The following UGT2A1 variants were observed in gnomAD, a reference collection of about 807,000 sequenced individuals.
UGT2A1 encodes the protein UDP glucuronosyltransferase family 2 member A1 complex locus, also known as UDP-glucuronosyltransferase 2A1.
UGT2A1 carries 61 observed loss-of-function variants against 45.4 expected under a neutral mutation model. The ratio of observed to expected loss-of-function variants is 1.34; its 90% CI spans 1.09 to 1.66. The LOEUF (loss-of-function observed/expected upper bound fraction) is 1.66, where lower values mean the gene tolerates loss of function less well. Among genes scored for constraint, UGT2A1 ranks in the 40% most tolerant of loss-of-function variants. The probability of loss-of-function intolerance (pLI) is 0.00; values close to 1 mark genes in which losing one functional copy is unlikely to be tolerated. For synonymous variants in UGT2A1, 229 were observed against 196.2 expected, an observed-to-expected ratio of 1.17 and a Z score of -1.40; for missense variants, 649 against 574.3, an observed-to-expected ratio of 1.13 and a Z score of -1.33.
chr4:69,608,736 C>T (rs1184379393), intron 3 of UGT2A1, among the ~76,000 whole-genome samples: 2 of 152,046 alleles, frequency 1.3e-5, no homozygotes, highest in East Asian at 3.9e-4. Flanking sequence ...ACTCTTGTTG[C>T]CCAGGCTGGA....
chr4:69,617,365 C>G (rs942611135), intron 3 of UGT2A1, among the ~76,000 whole-genome samples: 2 of 151,398 alleles, frequency 1.3e-5, no homozygotes, highest in African/African-American at 2.4e-5. Flanking sequence ...TTGTTGACGG[C>G]GTAAAAATAA....
At chr4:69,618,565 A>G (rs1341988023) in intron 3 of UGT2A1, among the ~76,000 whole-genome samples, 1 of 152,002 alleles carries the variant, frequency 6.6e-6, no homozygotes, top group Non-Finnish European at 1.5e-5. Flanking sequence ...CATATTAATA[A>G]TATTTTGAAA....
chr4:69,614,783 C>G (rs1720275633), intron 3 of UGT2A1, among the ~76,000 whole-genome samples: 1 of 151,950 alleles, frequency 6.6e-6, no homozygotes, highest in South Asian at 2.1e-4. Context: ...GAAAGTGGAC[C>G]TCTGAGTAGT....
rs116629407 is a variant in UGT2A1, at chr4:69,646,816, A to G, written c.715+114T>C. 1.8e-3 allele frequency: 1,264 copies of G among 700,052 alleles called. 13 individuals are homozygous for G. Among genetic ancestry groups the G allele is most frequent in the African/African-American group, 0.013 (734 of 55,578 alleles). The allele number at this position is 700,052 out of a possible 1,614,324, so 43.4% of individuals were successfully genotyped here. A position where few individuals can be genotyped will look rare whatever the true frequency, so the allele number is the denominator to read the frequency against. ...TTCTGCTATCAAGTGATAGTAATAT[A>G]TAGTACATCAATACTTGGAATTAAA... is the stretch of plus-strand genomic sequence containing the variant. On this transcript the variant is annotated intron_variant, in intron 2 of 6. Transcript: ENST00000286604.
chr4:69,598,568 G>T (rs1719069306), intron 4 of UGT2A1, among the ~76,000 whole-genome samples: 1 of 152,090 alleles, frequency 6.6e-6, no homozygotes, highest in African/African-American at 2.4e-5. Context: ...TTATGCTGAT[G>T]AATCTGAATC....
intron 3 of UGT2A1, among the ~76,000 whole-genome samples, chr4:69,616,799 T>C (rs916856978): frequency 6.6e-6 from 1 of 151,074 alleles, no homozygotes; most frequent in Non-Finnish European, 1.5e-5. Flanking sequence ...CAAAAGCTAA[T>C]GACACTTTCT....
At chr4:69,616,367 CTAAGAG>C (rs1444085973) in intron 3 of UGT2A1, among the ~76,000 whole-genome samples, 1 of 151,720 alleles carries the variant, frequency 6.6e-6, no homozygotes, top group Non-Finnish European at 1.5e-5. Context: ...TTTAAAATGA[CTAAGAG>C]TGGAATTGGA....
At chr4:69,644,206 G>A (rs1378109090) in intron 2 of UGT2A1, among the ~76,000 whole-genome samples, 4 of 151,586 alleles carry the variant, frequency 2.6e-5, no homozygotes, top group Non-Finnish European at 5.9e-5. Flanking sequence ...AAAGAATAGT[G>A]TGCTTTTATT....
intron 2 of UGT2A1, among the ~76,000 whole-genome samples, chr4:69,643,327 C>T (rs1341333852): frequency 6.6e-6 from 1 of 151,292 alleles, no homozygotes; most frequent in Admixed American, 6.6e-5. Flanking sequence ...AGATTTGCAC[C>T]TGAAATTTAA....
chr4:69,622,012 G>T (rs1720783792), intron 3 of UGT2A1, among the ~76,000 whole-genome samples: 1 of 151,690 alleles, frequency 6.6e-6, no homozygotes, highest in Non-Finnish European at 1.5e-5. Flanking sequence ...ACTTGAGGGT[G>T]GATGGTGGAA....
At chr4:69,595,570 A>G (rs899022435) in intron 4 of UGT2A1, among the ~76,000 whole-genome samples, 1 of 152,178 alleles carries the variant, frequency 6.6e-6, no homozygotes, top group African/African-American at 2.4e-5. Flanking sequence ...AAAATCATGA[A>G]GAGTGTTATG....
chr4:69,616,245 G>T (rs1720373056), intron 3 of UGT2A1, among the ~76,000 whole-genome samples: 1 of 151,814 alleles, frequency 6.6e-6, no homozygotes, highest in Admixed American at 6.6e-5. Flanking sequence ...CTTGGGGGGT[G>T]GGGAGGGTAT....
At chr4:69,630,650 G>C (rs1371288515) in intron 3 of UGT2A1, among the ~76,000 whole-genome samples, 1 of 152,202 alleles carries the variant, frequency 6.6e-6, no homozygotes, top group East Asian at 1.9e-4. Context: ...AATGAGACAT[G>C]TACTTTCAAC....
intron 6 of UGT2A1, among the ~76,000 whole-genome samples, chr4:69,593,657 TTTTA>T (rs1158517771): frequency 6.6e-6 from 1 of 151,646 alleles, no homozygotes; most frequent in African/African-American, 2.4e-5. Context: ...TATACTTAAA[TTTTA>T]TTTAAAATAT....
At chr4:69,641,033 G>A (rs1722024147) in intron 2 of UGT2A1, among the ~76,000 whole-genome samples, 1 of 151,798 alleles carries the variant, frequency 6.6e-6, no homozygotes, top group Non-Finnish European at 1.5e-5. Context: ...ACTTAGATTT[G>A]TTCAAATATT....
At chr4:69,610,677 C>T (rs1459649124) in intron 3 of UGT2A1, among the ~76,000 whole-genome samples, 2 of 152,032 alleles carry the variant, frequency 1.3e-5, no homozygotes, top group Non-Finnish European at 2.9e-5. Context: ...GACTAGTGTC[C>T]TTCCAAGAAG....
intron 3 of UGT2A1, 51 bp from the exon 4 acceptor site, chr4:69,599,445 T>C: frequency 6.3e-7 from 1 of 1,584,592 alleles, no homozygotes; most frequent in Non-Finnish European, 8.5e-7. Flanking sequence ...ATATGTTTGC[T>C]GAGGAGAAAA....
At chr4:69,611,063 A>G (rs1356476771) in intron 3 of UGT2A1, among the ~76,000 whole-genome samples, 1 of 152,194 alleles carries the variant, frequency 6.6e-6, no homozygotes, top group Admixed American at 6.6e-5. Context: ...ATTATTTAGC[A>G]GAATAGGCAA....
chr4:69,606,761 A>G lies in UGT2A1; in HGVS notation c.848-7367T>C, dbSNP rs189968764. 5.8e-3 allele frequency among the ~76,000 whole-genome samples: 799 copies of G among 136,836 alleles called. 184 individuals carry two copies. Among genetic ancestry groups the G allele is most frequent in the African/African-American group, 0.022 (738 of 33,790 alleles). 89.8% of individuals were successfully genotyped at this position (136,836 alleles called of 152,430 possible). A position where few individuals can be genotyped will look rare whatever the true frequency, so the allele number is the denominator to read the frequency against. Reference sequence around the variant, plus strand: ...AAATCAATGTGCAAAAATCACAAGCATTCTTATACACCAATAACAGACAAA... The same window carrying G: ...AAATCAATGTGCAAAAATCACAAGCGTTCTTATACACCAATAACAGACAAA... On this transcript the variant is annotated intron_variant, in intron 3 of 6. Coordinates refer to ENST00000286604, the MANE Select transcript of UGT2A1 (RefSeq NM_001252275.3).
Sources: allele counts gnomAD v4.1 joint callset (sites outside exome capture counted in the v4.1 genomes callset), GRCh38; gene constraint gnomAD v4.1.1; transcripts MANE v1.5; gene names NCBI Gene and HGNC (gene_info 2026-07-23, HGNC 2026-07-21).